The following PPP3R1 variants were observed in gnomAD, a reference collection of about 807,000 sequenced individuals.
The protein encoded by PPP3R1 is protein phosphatase 3 regulatory subunit B, alpha, also known as calcineurin subunit B type 1.
A neutral mutation model predicts 22.6 loss-of-function variants in PPP3R1; 5 were observed. The observed-to-expected ratio is 0.22, with a 90% confidence interval of 0.12 to 0.46. The LOEUF (loss-of-function observed/expected upper bound fraction) is 0.46. Among genes scored for constraint, PPP3R1 ranks in the 20% least tolerant of loss-of-function variants. PPP3R1 has a pLI of 0.99. For missense variants in PPP3R1, 61 were observed against 203.2 expected, an observed-to-expected ratio of 0.30 and a Z score of 4.25; for synonymous variants, 56 against 65.2, an observed-to-expected ratio of 0.86 and a Z score of 0.68.
Position 68,179,209 on chromosome 2 carries a change from G to C in PPP3R1, c.*1754C>G, listed in dbSNP as rs1007877572. 1 of 152,592 alleles carries C rather than the reference G, an allele frequency of 6.6e-6. No homozygotes were observed. The highest frequency in any genetic ancestry group is 1.5e-5 in the Non-Finnish European group (1 of 68,034). 9.5% of individuals were successfully genotyped at this position (152,592 alleles called of 1,614,324 possible). A position where few individuals can be genotyped will look rare whatever the true frequency, so the allele number is the denominator to read the frequency against. On this transcript the variant is annotated 3_prime_UTR_variant, in exon 6 of 6. Transcript: ENST00000234310. ...GCAGAGCACATGGCAGTTGACACTG[G>C]AACAGTTCAAACCACTGGCTGGGAT...
At position 68,209,745 on chromosome 2, in the gene PPP3R1, C is replaced by T. The variant is rs574785368; in HGVS notation, c.43+7347G>A. On this transcript the variant is annotated intron_variant, in intron 2 of 5. Transcript: ENST00000234310. ...TGCACTCCAGCCTGGGCAACAGAGG[C>T]CAACTTTGCCTCCCTCTGTCGAGTT... 1.2e-4 allele frequency among the ~76,000 whole-genome samples: 19 copies of T among 152,034 alleles called. 1 individual carries two copies. The highest frequency in any genetic ancestry group is 4.3e-4 in the African/African-American group (18 of 41,444).
intron 2 of PPP3R1, among the ~76,000 whole-genome samples, chr2:68,200,278 T>C (rs1489661923): frequency 6.6e-6 from 1 of 152,214 alleles, no homozygotes; most frequent in Non-Finnish European, 1.5e-5. Flanking sequence ...GATACTGTGA[T>C]TGTGTTTTGT....
chr2:68,187,283 G>C lies in PPP3R1; in HGVS notation c.252C>G (p.Val84=), dbSNP rs376998525. The change falls in exon 4 of 6, where the codon GTC becomes GTG. Residue 84 remains valine, a synonymous_variant. Transcript: ENST00000234310. ...EFIEGVSQFS[V]KGDKEQKLRF... is the part of the protein sequence containing the mutation. ...TCAATTTCTGCTCCTTATCTCCTTT[G>C]ACACTGAACTGAGAGACGCCCTCAA... The C allele has an allele frequency of 2.1e-5, 34 of 1,610,914 alleles. No homozygotes were observed. The African/African-American group carries it at 4.1e-4, about 20-fold the overall frequency.
At chr2:68,190,395 T>A (rs540926286) in intron 2 of PPP3R1, among the ~76,000 whole-genome samples, 4 of 151,642 alleles carry the variant, frequency 2.6e-5, no homozygotes, top group Non-Finnish European at 5.9e-5. Context: ...TGAAACCTCG[T>A]CTCCACTAAA....
chr2:68,201,906 T>C (rs2103746308), intron 2 of PPP3R1, among the ~76,000 whole-genome samples: 1 of 152,326 alleles, frequency 6.6e-6, no homozygotes, highest in Non-Finnish European at 1.5e-5. Context: ...TTTTAGGGTT[T>C]TTTTACTCTT....
intron 2 of PPP3R1, among the ~76,000 whole-genome samples, chr2:68,208,258 T>C (rs1326676479): frequency 6.6e-6 from 1 of 152,202 alleles, no homozygotes; most frequent in East Asian, 1.9e-4. Context: ...ATTCTGTAGA[T>C]AAGTTAACTG....
intron 2 of PPP3R1, among the ~76,000 whole-genome samples, chr2:68,211,936 C>T (rs886127899): frequency 2.0e-5 from 3 of 152,176 alleles, no homozygotes. Flanking sequence ...CAGTTATTTC[C>T]ACCATGAAAG....
intron 2 of PPP3R1, among the ~76,000 whole-genome samples, chr2:68,209,373 A>C (rs915325274): frequency 1.1e-5 from 1 of 93,838 alleles, no homozygotes; most frequent in Non-Finnish European, 2.4e-5. Context: ...AAAAAAAAAA[A>C]AAAAAAAAAA....
At chr2:68,235,273 T>C (rs1183360971) in intron 1 of PPP3R1, among the ~76,000 whole-genome samples, 2 of 152,164 alleles carry the variant, frequency 1.3e-5, no homozygotes, top group African/African-American at 4.8e-5. Flanking sequence ...TCAATGGTTT[T>C]AGTACATTCA....
rs1471113011 is a variant in PPP3R1 at position 68,180,412 on chromosome 2, A to G, written c.*551T>C. 1 of 152,664 alleles carries G rather than the reference A, an allele frequency of 6.6e-6. No homozygotes were observed. The highest frequency in any genetic ancestry group is 2.4e-5 in the African/African-American group (1 of 41,458). 9.5% of individuals were successfully genotyped at this position (152,664 alleles called of 1,614,324 possible). A position where few individuals can be genotyped will look rare whatever the true frequency, so the allele number is the denominator to read the frequency against. ...TAGGACGTTAACAAATGCTTTGTCA[A>G]TCTCTCAAAGGAGAAAGCACAGGAA... On this transcript the variant is annotated 3_prime_UTR_variant, in exon 6 of 6. Transcript: ENST00000234310.
intron 5 of PPP3R1, among the ~76,000 whole-genome samples, chr2:68,185,913 C>T (rs1674535927): frequency 6.6e-6 from 1 of 152,230 alleles, no homozygotes. Context: ...AAAGTAGCTA[C>T]ACTTCAGTTC....
intron 2 of PPP3R1, among the ~76,000 whole-genome samples, chr2:68,197,066 TA>T (rs1051692536): frequency 5.3e-5 from 8 of 152,212 alleles, no homozygotes; most frequent in African/African-American, 1.9e-4. Flanking sequence ...GAGGAATAAC[TA>T]CCTTCAAATG....
At position 68,188,401 on chromosome 2, in the gene PPP3R1, A is replaced by AAT. The variant is rs1022031420; in HGVS notation, c.220+112_220+113insAT. 3.4e-5 allele frequency: 28 copies of AAT among 819,776 alleles called. No homozygotes were observed. The African/African-American group carries it at 4.6e-4, about 14-fold the overall frequency. 50.8% of individuals were successfully genotyped at this position (819,776 alleles called of 1,614,324 possible). The stretch of plus-strand genomic sequence containing the variant: ...AGACGCTGAGGTTTTAACATAATCT[A>AAT]TTATTGTAAGGTCACTAGGAATATA... On this transcript the variant is annotated intron_variant, in intron 3 of 5. Transcript: ENST00000234310.
chr2:68,189,530 T>C (rs1674617654), intron 2 of PPP3R1, among the ~76,000 whole-genome samples: 1 of 152,212 alleles, frequency 6.6e-6, no homozygotes, highest in Non-Finnish European at 1.5e-5. Context: ...ATAAGTAATT[T>C]TGATCATGAC....
intron 1 of PPP3R1, among the ~76,000 whole-genome samples, chr2:68,232,154 TATATAC>T (rs1279200153): frequency 4.3e-5 from 4 of 92,388 alleles, no homozygotes; most frequent in African/African-American, 1.6e-4. Context: ...TATGTATATA[TATATAC>T]ATATATAAAT....
In PPP3R1 at chr2:68,180,112, T is replaced by TA. The variant is rs1674370070; in HGVS notation, c.*850dup. The TA allele has an allele frequency of 6.6e-6, 1 of 152,332 alleles. No homozygotes were observed. The highest frequency in any genetic ancestry group is 1.5e-5 in the Non-Finnish European group (1 of 68,028). 9.4% of individuals were successfully genotyped at this position (152,332 alleles called of 1,614,324 possible). A position where few individuals can be genotyped will look rare whatever the true frequency, so the allele number is the denominator to read the frequency against. The stretch of plus-strand genomic sequence containing the variant: ...TCAGACAGCTTCTGGCCTTTATGTA[T>TA]AAAATCACAACTAGCACTTAACGTT... On this transcript the variant is annotated 3_prime_UTR_variant, in exon 6 of 6. Coordinates refer to ENST00000234310, the MANE Select transcript of PPP3R1 (RefSeq NM_000945.4).
intron 2 of PPP3R1, among the ~76,000 whole-genome samples, chr2:68,195,872 G>A (rs1171789385): frequency 1.3e-5 from 2 of 151,276 alleles, no homozygotes; most frequent in African/African-American, 4.9e-5. Flanking sequence ...GCTCCTATGC[G>A]GCCTTTCCAA....
chr2:68,180,667 G>A lies in PPP3R1; in HGVS notation c.*296C>T. On this transcript the variant is annotated 3_prime_UTR_variant, in exon 6 of 6. Coordinates refer to ENST00000234310, the MANE Select transcript of PPP3R1 (RefSeq NM_000945.4). ...CATATGTATATATAGATACTTTCTT[G>A]TTATAAAAGATGAAGAAAAATAAAT... 4.4e-6 allele frequency: 1 copy of A among 228,492 alleles called. No homozygotes were observed. Among genetic ancestry groups the A allele is most frequent in the Non-Finnish European group, 8.5e-6 (1 of 117,374 alleles). The allele number at this position is 228,492 out of a possible 1,614,324, so 14.2% of individuals were successfully genotyped here.
intron 1 of PPP3R1, among the ~76,000 whole-genome samples, chr2:68,217,643 G>A (rs1669604742): frequency 6.6e-6 from 1 of 151,972 alleles, no homozygotes; most frequent in Non-Finnish European, 1.5e-5. Flanking sequence ...ACTAAAATAA[G>A]AAAAACATTA....
Sources: gnomAD v4.1 joint callset for allele counts (sites outside exome capture counted in the v4.1 genomes callset) on GRCh38, gnomAD v4.1.1 for gene constraint, MANE v1.5 for transcripts, NCBI Gene and HGNC (gene_info 2026-07-23, HGNC 2026-07-21) for gene names.